Variants in PRTFDC1 observed in about 807,000 individuals in gnomAD.
The protein encoded by PRTFDC1 is phosphoribosyl transferase domain containing 1, also known as phosphoribosyltransferase domain-containing protein 1.
In PRTFDC1, 38 loss-of-function variants were observed where a neutral mutation model predicts 34.6. The observed-to-expected ratio is 1.10, with a 90% CI of 0.85 to 1.44. The LOEUF (loss-of-function observed/expected upper bound fraction) is 1.44. Among genes scored for constraint, PRTFDC1 ranks in the 40% most tolerant of loss-of-function variants. The pLI is 0.00. For missense variants in PRTFDC1, 270 were observed against 283.0 expected (o/e 0.95, Z 0.33); for synonymous variants, 93 against 98.1 (o/e 0.95, Z 0.31).
intron 3 of PRTFDC1, among the ~76,000 whole-genome samples, chr10:24,917,979 G>C (rs1276284177): frequency 6.6e-6 from 1 of 152,028 alleles, no homozygotes; most frequent in Non-Finnish European, 1.5e-5. Context: ...GTACTTTTTT[G>C]GTTCATTTTT....
At chr10:24,924,652 C>T (rs988618060) in intron 3 of PRTFDC1, among the ~76,000 whole-genome samples, 1 of 151,932 alleles carries the variant, frequency 6.6e-6, no homozygotes, top group African/African-American at 2.4e-5. Flanking sequence ...AAAAAGTGGG[C>T]AAAAGACATG....
intron 1 of PRTFDC1, among the ~76,000 whole-genome samples, chr10:24,951,964 C>A (rs1849351470): frequency 6.6e-6 from 1 of 152,244 alleles, no homozygotes; most frequent in Non-Finnish European, 1.5e-5. Flanking sequence ...CACTCAGGAG[C>A]CGCCAGCGTG....
At chr10:24,871,950 G>T in intron 4 of PRTFDC1, 48 bp downstream of exon 4, 1 of 1,509,120 alleles carries the variant, frequency 6.6e-7, no homozygotes, top group South Asian at 1.2e-5. Flanking sequence ...GCAGGTCACC[G>T]ATGCCCCCAG....
intron 3 of PRTFDC1, among the ~76,000 whole-genome samples, chr10:24,873,908 C>CTTT (rs77144373): frequency 7.1e-6 from 1 of 140,038 alleles, no homozygotes; most frequent in African/African-American, 2.6e-5. Flanking sequence ...AATTTTTTAC[C>CTTT]TTTTTTTTTT....
intron 2 of PRTFDC1, among the ~76,000 whole-genome samples, chr10:24,939,568 A>C (rs1849115684): frequency 6.6e-6 from 1 of 151,870 alleles, no homozygotes; most frequent in Non-Finnish European, 1.5e-5. Context: ...CAAGGCAGGC[A>C]GATCCCTTCA....
At chr10:24,857,837 C>A (rs1847609281) in intron 5 of PRTFDC1, among the ~76,000 whole-genome samples, 1 of 151,990 alleles carries the variant, frequency 6.6e-6, no homozygotes, top group African/African-American at 2.4e-5. Flanking sequence ...TCCACTACTG[C>A]CATAGGGATC....
chr10:24,897,007 C>T (rs1848378085), intron 3 of PRTFDC1, among the ~76,000 whole-genome samples: 1 of 151,958 alleles, frequency 6.6e-6, no homozygotes, highest in African/African-American at 2.4e-5. Context: ...TCCAGGAGTT[C>T]AAGACTAGCC....
chr10:24,952,539 G>T lies in PRTFDC1; in HGVS notation c.37C>A (p.Arg13=). 1.3e-6 allele frequency: 2 copies of T among 1,590,302 alleles called. No homozygotes were observed. The highest frequency in any genetic ancestry group is 1.7e-6 in the Non-Finnish European group (2 of 1,168,082). The change falls in exon 1 of 9, where the codon CGA becomes AGA. Residue 13 remains arginine, a synonymous_variant. Coordinates refer to ENST00000320152, the MANE Select transcript of PRTFDC1 (RefSeq NM_020200.7). This position sits in a 1 kb window ranked among gnomAD's most constrained non-coding sequence, Gnocchi z 5.1. ...GSSEEAPDYG[R]GVVIMDDWPG... is the part of the protein sequence containing the mutation. ...GAGTTTGCATTTACCACGACGCCTC[G>T]CCCGTAGTCTGGCGCCTCCTCGCTG...
chr10:24,891,300 C>T (rs1848257620), intron 3 of PRTFDC1, among the ~76,000 whole-genome samples: 1 of 152,044 alleles, frequency 6.6e-6, no homozygotes, highest in Admixed American at 6.6e-5. Flanking sequence ...GATATATACC[C>T]TTAACATAAT....
chr10:24,855,440 A>G, intron 6 of PRTFDC1, 76 bp from the exon 7 acceptor site: 1 of 1,544,876 alleles, frequency 6.5e-7, no homozygotes. Flanking sequence ...AGCATCATTA[A>G]AAGATGTACT....
chr10:24,927,844 T>G (rs1441380193), intron 3 of PRTFDC1, among the ~76,000 whole-genome samples: 2 of 131,900 alleles, frequency 1.5e-5, no homozygotes, highest in African/African-American at 6.9e-5. Flanking sequence ...CCTCCCAAAG[T>G]GCTGGGATCC....
intron 3 of PRTFDC1, among the ~76,000 whole-genome samples, chr10:24,928,321 C>A (rs1387450395): frequency 1.3e-5 from 2 of 152,098 alleles, no homozygotes; most frequent in African/African-American, 4.8e-5. Flanking sequence ...TCTGGCACCC[C>A]CCCACAACTG....
Position 24,927,277 on chromosome 10 carries a change from T to C in PRTFDC1, c.339+9907A>G, listed in dbSNP as rs542315693. Among the ~76,000 whole-genome samples, 7 of 152,336 alleles carry C rather than the reference T, an allele frequency of 4.6e-5. No individual in the cohort carries two copies. The East Asian group carries it at 1.2e-3, about 25-fold the overall frequency. On this transcript the variant is annotated intron_variant, in intron 3 of 8. Transcript: ENST00000320152. ...AGAAAACAGGACTGTCAATACTCTT[T>C]GTTTCAGTACACATAGGAATAAGAC...
intron 1 of PRTFDC1, among the ~76,000 whole-genome samples, chr10:24,945,133 A>G (rs545402628): frequency 6.6e-6 from 1 of 152,128 alleles, no homozygotes; most frequent in Non-Finnish European, 1.5e-5. Context: ...CCTGACCTTC[A>G]TAGCCTGTTT....
intron 4 of PRTFDC1, among the ~76,000 whole-genome samples, chr10:24,871,598 G>T (rs1847868345): frequency 6.6e-6 from 1 of 150,602 alleles, no homozygotes; most frequent in Non-Finnish European, 1.5e-5. Flanking sequence ...ACTTGTCAAT[G>T]AACCTGTGTA....
At chr10:24,901,158 T>G (rs1472348576) in intron 3 of PRTFDC1, among the ~76,000 whole-genome samples, 1 of 152,222 alleles carries the variant, frequency 6.6e-6, no homozygotes, top group Admixed American at 6.5e-5. Context: ...CAAGCCACAA[T>G]TATAATTCCT....
intron 3 of PRTFDC1, chr10:24,908,482 A>T (rs756562134): frequency 1.2e-6 from 2 of 1,610,036 alleles, no homozygotes; most frequent in East Asian, 4.5e-5. Context: ...GTGCTACTGT[A>T]CACCTCACTG....
intron 3 of PRTFDC1, among the ~76,000 whole-genome samples, chr10:24,909,787 G>A (rs1848599070): frequency 6.6e-6 from 1 of 152,026 alleles, no homozygotes; most frequent in African/African-American, 2.4e-5. Context: ...ATTAGGTGGG[G>A]GTCTAATCTA....
intron 4 of PRTFDC1, among the ~76,000 whole-genome samples, chr10:24,860,190 G>A (rs10828714): frequency 0.12 from 17,994 of 152,112 alleles, 1,342 homozygotes; most frequent in South Asian, 0.21. Context: ...GACCAGCCTG[G>A]CCAATTTGGT....
Sources: gnomAD v4.1 joint callset for allele counts (sites outside exome capture counted in the v4.1 genomes callset) on GRCh38, gnomAD v4.1.1 for gene constraint, Gnocchi (gnomAD v3.1) non-coding constraint, MANE v1.5 for transcripts, NCBI Gene and HGNC (gene_info 2026-07-23, HGNC 2026-07-21) for gene names.